EHBP1: variants seen among roughly 807,000 people sequenced by gnomAD.
EHBP1 encodes EH domain-binding protein 1.
Under a neutral mutation model 144.0 loss-of-function variants are expected in EHBP1, and 55 were observed. The observed-to-expected ratio is 0.38, with a 90% CI of 0.31 to 0.48. EHBP1 has a LOEUF of 0.48. Among genes scored for constraint, EHBP1 ranks in the 20% least tolerant of loss-of-function variants. The pLI, the probability that EHBP1 is intolerant of heterozygous loss-of-function variation, is 0.98. For missense variants in EHBP1, 1,200 were observed against 1,364.2 expected (o/e 0.88, Z 1.90); for synonymous variants, 469 against 472.7 (o/e 0.99, Z 0.10).
intron 10 of EHBP1, among the ~76,000 whole-genome samples, chr2:62,920,439 T>C (rs1558915483): frequency 6.6e-6 from 1 of 152,190 alleles, no homozygotes; most frequent in African/African-American, 2.4e-5. Context: ...GCTAAGGGAA[T>C]GTATTACAAC....
At chr2:63,006,823 TTA>T (rs1003545519) in intron 19 of EHBP1, among the ~76,000 whole-genome samples, 13 of 150,332 alleles carry the variant, frequency 8.6e-5, no homozygotes, top group African/African-American at 7.3e-5. Flanking sequence ...ATATTGGAAA[TTA>T]TATATATATA....
chr2:62,945,336 C>G (rs1203513381), intron 12 of EHBP1, among the ~76,000 whole-genome samples: 1 of 151,952 alleles, frequency 6.6e-6, no homozygotes, highest in African/African-American at 2.4e-5. Context: ...GAGAAGGGAC[C>G]CATTGCCAAA....
intron 5 of EHBP1, among the ~76,000 whole-genome samples, chr2:62,773,737 G>T (rs2041840198): frequency 6.6e-6 from 1 of 151,208 alleles, no homozygotes; most frequent in South Asian, 2.1e-4. Context: ...TGTAATCCCA[G>T]CTACTCGGGA....
chr2:62,819,757 C>G (rs2045750820), intron 5 of EHBP1, among the ~76,000 whole-genome samples: 1 of 148,598 alleles, frequency 6.7e-6, no homozygotes, highest in Non-Finnish European at 1.5e-5. Context: ...GAGCGAGACT[C>G]CAGCTCAAAA....
At chr2:62,855,011 G>A (rs767103102) in intron 7 of EHBP1, among the ~76,000 whole-genome samples, 1 of 152,236 alleles carries the variant, frequency 6.6e-6, no homozygotes, top group Non-Finnish European at 1.5e-5. Flanking sequence ...AGCTGCCCAA[G>A]TTGTGGCTGT....
chr2:62,827,289 CT>C (rs753980202), intron 6 of EHBP1, among the ~76,000 whole-genome samples: 10 of 152,178 alleles, frequency 6.6e-5, no homozygotes, highest in African/African-American at 1.4e-4. Context: ...ATGGAAGCAT[CT>C]TAGTCTTTCA....
At chr2:62,904,653 G>C (rs1312283099) in intron 10 of EHBP1, among the ~76,000 whole-genome samples, 1 of 152,186 alleles carries the variant, frequency 6.6e-6, no homozygotes, top group Non-Finnish European at 1.5e-5. Context: ...TACCCCTGGA[G>C]GACTGGGGGA....
chr2:62,930,459 A>G (rs935058908), intron 10 of EHBP1, among the ~76,000 whole-genome samples: 2 of 152,204 alleles, frequency 1.3e-5, no homozygotes, highest in Admixed American at 6.5e-5. Flanking sequence ...CCACCCAAAG[A>G]TATCTAAAGA....
At chr2:62,715,421 C>T (rs947009569) in intron 2 of EHBP1, among the ~76,000 whole-genome samples, 31 of 151,436 alleles carry the variant, frequency 2.0e-4, no homozygotes, top group Non-Finnish European at 2.9e-4. Context: ...GCCGAGTCAC[C>T]GTGCCAAGCC....
chr2:62,676,143 T>G (rs529998642), intron 1 of EHBP1, among the ~76,000 whole-genome samples: 4 of 86,288 alleles, frequency 4.6e-5, no homozygotes, highest in Non-Finnish European at 9.9e-5. Context: ...GAATCTATCC[T>G]TAATTAAGCA....
chr2:63,034,193 T>C (rs1224628761), intron 19 of EHBP1, among the ~76,000 whole-genome samples: 1 of 152,084 alleles, frequency 6.6e-6, no homozygotes, highest in African/African-American at 2.4e-5. Flanking sequence ...TATGTTTTTA[T>C]TGGTAATTTA....
chr2:62,784,034 A>G (rs1558663537), intron 5 of EHBP1, among the ~76,000 whole-genome samples: 1 of 152,234 alleles, frequency 6.6e-6, no homozygotes, highest in Non-Finnish European at 1.5e-5. Flanking sequence ...TCTCTGGGGC[A>G]GGATGAATTT....
At chr2:62,775,047 G>T (rs1262048247) in intron 5 of EHBP1, among the ~76,000 whole-genome samples, 4 of 152,084 alleles carry the variant, frequency 2.6e-5, no homozygotes, top group African/African-American at 9.7e-5. Flanking sequence ...AAGGAAGAGG[G>T]ATAAGGATCC....
intron 10 of EHBP1, among the ~76,000 whole-genome samples, chr2:62,900,682 G>GTATATATATATA (rs1445035888): frequency 2.7e-4 from 39 of 144,478 alleles, no homozygotes; most frequent in African/African-American, 1.1e-3. Flanking sequence ...GTGTGTGTAT[G>GTATATATATATA]TGTATATATA....
intron 1 of EHBP1, among the ~76,000 whole-genome samples, chr2:62,679,734 G>A (rs952120382): frequency 1.3e-5 from 2 of 152,128 alleles, no homozygotes; most frequent in East Asian, 1.9e-4. Flanking sequence ...AAATAAAATG[G>A]CATTGGCTAT....
intron 7 of EHBP1, among the ~76,000 whole-genome samples, chr2:62,854,221 A>G (rs575537113): frequency 4.7e-4 from 72 of 152,298 alleles, no homozygotes; most frequent in Middle Eastern, 3.4e-3. Context: ...AGGGAATGCT[A>G]TGGTTGGTTT....
intron 3 of EHBP1, among the ~76,000 whole-genome samples, chr2:62,750,611 A>G (rs1381009300): frequency 1.3e-5 from 2 of 152,218 alleles, no homozygotes; most frequent in African/African-American, 2.4e-5. Context: ...ATTCCTATCC[A>G]TGAGCGTGGA....
chr2:62,687,213 A>G (rs973284532), intron 1 of EHBP1, among the ~76,000 whole-genome samples: 2 of 152,212 alleles, frequency 1.3e-5, no homozygotes, highest in Non-Finnish European at 2.9e-5. Flanking sequence ...TCTTTCTATG[A>G]TCATTTCCCC....
intron 7 of EHBP1, among the ~76,000 whole-genome samples, chr2:62,841,520 T>G (rs1458297456): frequency 6.6e-6 from 1 of 152,182 alleles, no homozygotes; most frequent in Non-Finnish European, 1.5e-5. Context: ...AAGCAAAATT[T>G]ATTGACTCTC....
Sources: gnomAD v4.1 joint callset for allele counts (sites outside exome capture counted in the v4.1 genomes callset) on GRCh38, gnomAD v4.1.1 for gene constraint, MANE v1.5 for transcripts, NCBI Gene and HGNC (gene_info 2026-07-23, HGNC 2026-07-21) for gene names.